ABCA4: variants seen among roughly 807,000 people sequenced by gnomAD.
ABCA4 encodes the protein retinal-specific phospholipid-transporting ATPase ABCA4.
In ABCA4, 196 loss-of-function variants were observed where a neutral mutation model predicts 263.7. The ratio of observed to expected loss-of-function variants is 0.74; its 90% CI spans 0.66 to 0.84. ABCA4 has a LOEUF of 0.84. Among genes scored for constraint, ABCA4 ranks in the 40% least tolerant of loss-of-function variants. The pLI, the probability that ABCA4 is intolerant of heterozygous loss-of-function variation, is 0.00. For synonymous variants in ABCA4, 1,133 were observed against 1,094.2 expected (o/e 1.04, Z -0.70); for missense variants, 2,792 against 2,855.1 (o/e 0.98, Z 0.50).
intron 29 of ABCA4, 65 bp downstream of exon 29, chr1:94,030,363 G>A (rs1290808971): frequency 6.8e-7 from 1 of 1,465,754 alleles, no homozygotes; most frequent in East Asian, 2.3e-5. Flanking sequence ...CTGCCATCTT[G>A]AACCCACCGT....
intron 2 of ABCA4, 52 bp downstream of exon 2, chr1:94,112,921 G>A: frequency 7.0e-7 from 1 of 1,419,628 alleles, no homozygotes; most frequent in Non-Finnish European, 1.0e-6. Flanking sequence ...TAGACAAAAG[G>A]CCCAGACCAA....
In ABCA4 at chr1:94,005,574, G is replaced by A; in HGVS notation, c.6014C>T (p.Thr2005Ile). Residue 2005 changes from threonine to isoleucine, a missense_variant, in exon 44 of 50, where the codon ACC becomes ATC. Thr to Ile is a moderately conservative substitution (Grantham distance 89). Transcript: ENST00000370225. ...DATVAGKSIL[T>I]NISEVHQNMG... ...ATTTTGATGGACTTCAGAAATATTGGTTAAAATACTGCAAGAAAAAAAGCA... is the reference window on the plus strand; with the variant it reads ...ATTTTGATGGACTTCAGAAATATTGATTAAAATACTGCAAGAAAAAAAGCA... 3 of 1,613,996 alleles carry A rather than the reference G, an allele frequency of 1.9e-6. No individual in the cohort carries two copies. The highest frequency in any genetic ancestry group is 2.5e-6 in the Non-Finnish European group (3 of 1,179,898).
At chr1:94,042,624 A>C in intron 22 of ABCA4, 137 bp downstream of exon 22, 2 of 1,224,766 alleles carry the variant, frequency 1.6e-6, no homozygotes, top group Admixed American at 3.9e-5. Context: ...AGATTCACCA[A>C]GTCACTGATA....
At chr1:94,118,640 T>G (rs1403877357) in intron 1 of ABCA4, among the ~76,000 whole-genome samples, 1 of 152,184 alleles carries the variant, frequency 6.6e-6, no homozygotes, top group Non-Finnish European at 1.5e-5. Context: ...GACAGAAATC[T>G]CAATTTCCAG....
At chr1:94,093,915 A>G (rs1272757607) in intron 6 of ABCA4, among the ~76,000 whole-genome samples, 1 of 152,178 alleles carries the variant, frequency 6.6e-6, no homozygotes, top group Admixed American at 6.5e-5. Context: ...TGGCTTGAAT[A>G]TTTTCATAAA....
At chr1:94,044,781 C>A in intron 19 of ABCA4, 37 bp from the exon 20 acceptor site, 2 of 1,614,178 alleles carry the variant, frequency 1.2e-6, no homozygotes, top group South Asian at 2.2e-5. Flanking sequence ...AAGAGATGGC[C>A]TTTAGCAACA....
chr1:94,110,753 C>T (rs914207874), intron 3 of ABCA4, among the ~76,000 whole-genome samples: 3 of 152,152 alleles, frequency 2.0e-5, no homozygotes, highest in East Asian at 1.9e-4. Flanking sequence ...TCTACAATTC[C>T]CTGAAATCAG....
At chr1:94,098,258 C>T (rs1036190536) in intron 6 of ABCA4, among the ~76,000 whole-genome samples, 4 of 152,172 alleles carry the variant, frequency 2.6e-5, no homozygotes, top group African/African-American at 7.2e-5. Context: ...CTTTCTCTGT[C>T]GTTTTTTCTC....
At chr1:94,034,123 A>G (rs1047616439) in intron 26 of ABCA4, among the ~76,000 whole-genome samples, 5 of 152,122 alleles carry the variant, frequency 3.3e-5, no homozygotes, top group Non-Finnish European at 5.9e-5. Flanking sequence ...GAGGCTGCAC[A>G]AATGTTTCTT....
In ABCA4 at chr1:94,060,663, C is replaced by A. The variant is rs1376036671; in HGVS notation, c.2034G>T (p.Lys678Asn). 3 of 1,614,160 alleles carry A rather than the reference C, an allele frequency of 1.9e-6. No individual in the cohort carries two copies. Among genetic ancestry groups the A allele is most frequent in the Non-Finnish European group, 1.7e-6 (2 of 1,180,026 alleles). The change falls in exon 14 of 50, where the codon AAG (lysine) becomes AAT (asparagine). Residue 678 changes from lysine to asparagine, a missense_variant. By Grantham distance (94) the Lys-to-Asn change is moderately conservative (BLOSUM62 0). Transcript: ENST00000370225. The part of the protein sequence containing the change: ...SMTVKSIVLE[K>N]ELRLKETLKN... ...TCAAGGTCTCCTTCAGTCGCAACTC[C>A]TTCTCCAAGACGATGCTCTTCACAG...
intron 6 of ABCA4, among the ~76,000 whole-genome samples, chr1:94,095,413 G>C (rs1662097177): frequency 2.0e-5 from 3 of 152,044 alleles, no homozygotes; most frequent in Admixed American, 2.0e-4. Flanking sequence ...CTCTTTCTTT[G>C]TTAATGAGAA....
intron 4 of ABCA4, among the ~76,000 whole-genome samples, chr1:94,103,862 T>C (rs1040410735): frequency 3.9e-5 from 6 of 152,288 alleles, no homozygotes; most frequent in African/African-American, 1.4e-4. Flanking sequence ...TGATGAGCCC[T>C]AGTCAAGCTC....
chr1:94,029,351 T>C (rs921672895), intron 30 of ABCA4, 94 bp downstream of exon 30: 1 of 1,208,760 alleles, frequency 8.3e-7, no homozygotes, highest in Non-Finnish European at 1.1e-6. Flanking sequence ...CAGTTTGAAA[T>C]GTTAGTTTGT....
intron 7 of ABCA4, among the ~76,000 whole-genome samples, chr1:94,082,985 A>AG (rs1661740999): frequency 6.6e-6 from 1 of 152,360 alleles, no homozygotes; most frequent in East Asian, 1.9e-4. Context: ...GTATGCTATT[A>AG]TTATTGGCAG....
chr1:94,003,146 A>T (rs893238632), intron 44 of ABCA4, among the ~76,000 whole-genome samples: 3 of 152,166 alleles, frequency 2.0e-5, no homozygotes, highest in Admixed American at 2.0e-4. Context: ...TAATGTTATG[A>T]TACATTTACC....
At position 93,993,173 on chromosome 1, in the gene ABCA4, AG is replaced by A. The variant is rs1205588700; in HGVS notation, c.*63del. 16 of 1,611,130 alleles carry A rather than the reference AG, an allele frequency of 9.9e-6. No homozygotes were observed. Among genetic ancestry groups the A allele is most frequent in the Admixed American group, 1.7e-5 (1 of 59,950 alleles). ...TCCATTTGGATGACCATATGGGCAC[AG>A]GCTCCTGCGCCTCCAGCTGCCCAGA... On this transcript the variant is annotated 3_prime_UTR_variant, in exon 50 of 50. Coordinates refer to ENST00000370225, the MANE Select transcript of ABCA4 (RefSeq NM_000350.3).
intron 35 of ABCA4, among the ~76,000 whole-genome samples, chr1:94,020,384 C>T (rs539748009): frequency 2.0e-5 from 3 of 152,198 alleles, no homozygotes; most frequent in East Asian, 1.9e-4. Flanking sequence ...GGACAGTGTC[C>T]ACCTGCAGAA....
chr1:94,079,735 G>C (rs1050516105), intron 8 of ABCA4, among the ~76,000 whole-genome samples: 22 of 152,202 alleles, frequency 1.4e-4, no homozygotes, highest in Admixed American at 1.4e-3. Context: ...TGAGAAGCCT[G>C]CCTCTGATTA....
At chr1:94,030,274 G>A (rs1052774177) in intron 29 of ABCA4, among the ~76,000 whole-genome samples, 154 bp downstream of exon 29, 1 of 152,232 alleles carries the variant, frequency 6.6e-6, no homozygotes. Flanking sequence ...CACAAGTGTG[G>A]AAGGAGAGGT....
Sources: gnomAD v4.1 joint callset for allele counts (sites outside exome capture counted in the v4.1 genomes callset) on GRCh38, gnomAD v4.1.1 for gene constraint, MANE v1.5 for transcripts, NCBI Gene and HGNC (gene_info 2026-07-23, HGNC 2026-07-21) for gene names.